The following HIP1R variants were observed in gnomAD, a reference collection of about 807,000 sequenced individuals.
HIP1R encodes the protein huntingtin interacting protein 1 related.
Under a neutral mutation model 144.2 loss-of-function variants are expected in HIP1R, and 135 were observed. The ratio of observed to expected loss-of-function variants is 0.94; its 90% CI spans 0.81 to 1.08. The LOEUF (loss-of-function observed/expected upper bound fraction) is 1.08. HIP1R is among the 50% of genes least tolerant of loss of function. The pLI is 0.00. For missense variants in HIP1R, 1,462 were observed against 1,432.8 expected (o/e 1.02, Z -0.33); for synonymous variants, 698 against 612.8 (o/e 1.14, Z -2.05).
At chr12:122,846,478 G>C (rs528316134) in intron 1 of HIP1R, among the ~76,000 whole-genome samples, 4 of 152,292 alleles carry the variant, frequency 2.6e-5, no homozygotes, top group African/African-American at 9.6e-5. Flanking sequence ...CTGCCTCTGG[G>C]GGCATGACAC....
At chr12:122,849,980 G>A (rs2033326423) in intron 5 of HIP1R, 25 bp downstream of exon 5, 2 of 1,548,488 alleles carry the variant, frequency 1.3e-6, no homozygotes, top group Non-Finnish European at 8.9e-7. Flanking sequence ...GGAGTCATGG[G>A]GCTGAGGGAC....
intron 23 of HIP1R, 39 bp from the exon 24 acceptor site, chr12:122,859,733 C>G (rs1267935609): frequency 6.2e-7 from 1 of 1,605,622 alleles, no homozygotes; most frequent in Non-Finnish European, 8.5e-7. Flanking sequence ...CCACGGTCCC[C>G]TCCTCCCAGC....
chr12:122,859,208 G>A lies in HIP1R; in HGVS notation c.2295+11G>A. The A allele has an allele frequency of 6.4e-7, 1 of 1,567,114 alleles. No homozygotes were observed. The highest frequency in any genetic ancestry group is 8.6e-7 in the Non-Finnish European group (1 of 1,156,272). Reference sequence around the variant, plus strand: ...CTTCAGCTGGGCCAGGTGAGGCACAGCTGAGTGTGGGTTTGGGAGGCTTGG... The same window carrying A: ...CTTCAGCTGGGCCAGGTGAGGCACAACTGAGTGTGGGTTTGGGAGGCTTGG... On this transcript the variant is annotated intron_variant, in intron 22 of 31. Coordinates refer to ENST00000253083, the MANE Select transcript of HIP1R (RefSeq NM_003959.3).
rs745714905 is a variant in HIP1R at position 122,855,258 on chromosome 12, C to T, written c.853-7C>T. The T allele has an allele frequency of 6.2e-7, 1 of 1,612,692 alleles. No individual in the cohort carries two copies. Among genetic ancestry groups the T allele is most frequent in the Non-Finnish European group, 8.5e-7 (1 of 1,179,850 alleles). On this transcript the variant is annotated splice_polypyrimidine_tract_variant and splice_region_variant and intron_variant, in intron 10 of 31. Transcript: ENST00000253083. ...AGCTGAGCAGGTCCCACCTGCCGCC[C>T]CTGCAGGGACCCCCTAACTTCCTGC...
At chr12:122,834,777 T>C, upstream of HIP1R, 2 of 398,592 alleles carry the variant, frequency 5.0e-6, no homozygotes, top group South Asian at 2.0e-5. Flanking sequence ...AGGTGTCCGG[T>C]TGCGGAGCCG....
Position 122,861,782 on chromosome 12 carries a change from G to C in HIP1R, c.*29G>C. On this transcript the variant is annotated 3_prime_UTR_variant, in exon 32 of 32. Transcript: ENST00000253083. ...CCCCAGGGGTCCAGCAGGGTGGCTGGTGACAGGCCTGGGCCTCTGCAACTG... is the reference window on the plus strand; with the variant it reads ...CCCCAGGGGTCCAGCAGGGTGGCTGCTGACAGGCCTGGGCCTCTGCAACTG... 1.2e-6 allele frequency: 2 copies of C among 1,611,190 alleles called. No homozygotes were observed. The highest frequency in any genetic ancestry group is 3.3e-4 in the Middle Eastern group (2 of 6,060).
chr12:122,860,364 C>T, intron 26 of HIP1R, 59 bp from the exon 27 acceptor site: 2 of 1,594,284 alleles, frequency 1.3e-6, no homozygotes, highest in Non-Finnish European at 1.7e-6. Flanking sequence ...TTGAGGGCCA[C>T]TTTCCACCTT....
At chr12:122,848,901 G>C (rs1319098052) in intron 4 of HIP1R, 49 bp downstream of exon 4, 1 of 1,588,286 alleles carries the variant, frequency 6.3e-7, no homozygotes, top group Admixed American at 1.7e-5. Context: ...GCTTTCCTGA[G>C]CGTGTGGGGC....
intron 4 of HIP1R, 76 bp downstream of exon 4, chr12:122,848,928 C>A: frequency 6.7e-7 from 1 of 1,482,632 alleles, no homozygotes; most frequent in South Asian, 1.1e-5. Context: ...AAGGGTGGCT[C>A]CCTGTGGGCA....
rs762305144 is a variant in HIP1R, at chr12:122,856,328, C to A, written c.1385C>A (p.Ala462Glu). Reference sequence around the variant, plus strand: ...CACAGTGAGCTCGTCCATGTGCACGCGGAGCTGCTCAGAAAGGTAGGTGCA... The same window carrying A: ...CACAGTGAGCTCGTCCATGTGCACGAGGAGCTGCTCAGAAAGGTAGGTGCA... ...EKHSELVHVH[A>E]ELLRKNADTA... Residue 462 changes from alanine (A) to glutamate (E), a missense_variant, in exon 15 of 32, where the codon GCG becomes GAG. Around this residue, in one of 2 missense-constraint regions of HIP1R, gnomAD observed 1,112 missense variants for 1,011.7 expected, o/e 1.10. Coordinates refer to ENST00000253083, the MANE Select transcript of HIP1R (RefSeq NM_003959.3). 3 of 1,613,726 alleles carry A rather than the reference C, an allele frequency of 1.9e-6. No individual in the cohort carries two copies. Among genetic ancestry groups the A allele is most frequent in the African/African-American group, 1.3e-5 (1 of 74,940 alleles).
chr12:122,858,240 A>G lies in HIP1R; in HGVS notation c.1954A>G (p.Ser652Gly). ...CGACCCCCTGCACCTGCGCTGTACCAGCTCCCCAGGTAGACAGTGGGGCCA... is the reference window on the plus strand; with the variant it reads ...CGACCCCCTGCACCTGCGCTGTACCGGCTCCCCAGGTAGACAGTGGGGCCA... ...LDDPLHLRCT[S>G]SPDYLVSRAQ... Residue 652 changes from serine (S) to glycine (G), a missense_variant, in exon 19 of 32, where the codon AGC becomes GGC. By Grantham distance (56) the Ser-to-Gly change is moderately conservative. This residue lies in a region of HIP1R where 1,112 missense variants were observed against 1,011.7 expected (regional missense o/e 1.10). Transcript: ENST00000253083. 6.3e-7 allele frequency: 1 copy of G among 1,592,576 alleles called. No individual in the cohort carries two copies. Among genetic ancestry groups the G allele is most frequent in the Non-Finnish European group, 8.6e-7 (1 of 1,165,892 alleles).
chr12:122,856,808 C>T (rs931616947), intron 17 of HIP1R, 82 bp downstream of exon 17: 188 of 1,260,290 alleles, frequency 1.5e-4, no homozygotes, highest in Non-Finnish European at 2.0e-4. Flanking sequence ...CGTGAACAGG[C>T]CCCACCTGGG....
chr12:122,860,063 A>G lies in HIP1R; in HGVS notation c.2482A>G (p.Thr828Ala), dbSNP rs749209250. Residue 828 changes from threonine to alanine, a missense_variant, in exon 25 of 32, where the codon ACA (threonine) becomes GCA (alanine). Coordinates refer to ENST00000253083, the MANE Select transcript of HIP1R (RefSeq NM_003959.3). Reference sequence around the variant, plus strand: ...CTCCCCCAGGATCCTCAACTCCTGCACAGACCTGATGAAGGTGAGGGGCTG... The same window carrying G: ...CTCCCCCAGGATCCTCAACTCCTGCGCAGACCTGATGAAGGTGAGGGGCTG... ...EVNERILNSC[T>A]DLMKAIRLLV... is the part of the protein sequence containing the mutation. 1.1e-5 allele frequency: 18 copies of G among 1,573,490 alleles called. No individual in the cohort carries two copies. The highest frequency in any genetic ancestry group is 5.4e-5 in the Admixed American group (3 of 55,474).
In HIP1R at chr12:122,835,558, G is replaced by A. The variant is rs999953800; in HGVS notation, c.8G>A (p.Ser3Asn). Residue 3 changes from serine (S) to asparagine (N), a missense_variant, in exon 1 of 32, where the codon AGC (serine) becomes AAC (asparagine). Physicochemically the swap from Ser to Asn is conservative, Grantham distance 46 (BLOSUM62 1). Transcript: ENST00000253083. MNSIKNVPARVLS... is the reference protein window; with the variant it reads MNNIKNVPARVLS... ...GCGGGCGGCGGCGGCAGGATGAACA[G>A]CATCAAGAACGTGCCGGCGCGGGTG... 13 of 1,348,620 alleles carry A rather than the reference G, an allele frequency of 9.6e-6. No individual in the cohort carries two copies. Among genetic ancestry groups the A allele is most frequent in the African/African-American group, 1.5e-5 (1 of 65,490 alleles). The allele number at this position is 1,348,620 out of a possible 1,614,324, so 83.5% of individuals were successfully genotyped here. A position where few individuals can be genotyped will look rare whatever the true frequency, so the allele number is the denominator to read the frequency against.
intron 18 of HIP1R, 163 bp downstream of exon 18, chr12:122,857,378 G>T: frequency 2.9e-6 from 2 of 698,612 alleles, no homozygotes. Flanking sequence ...CGTTGTCAAG[G>T]GTCACCACAT....
chr12:122,857,708 G>A, intron 18 of HIP1R: 1 of 269,248 alleles, frequency 3.7e-6, no homozygotes, highest in Non-Finnish European at 7.1e-6. Context: ...AGCAACGCAT[G>A]AATGTTCCAG....
chr12:122,857,778 G>T, intron 18 of HIP1R: 1 of 325,300 alleles, frequency 3.1e-6, no homozygotes, highest in Non-Finnish European at 5.6e-6. Flanking sequence ...CCATCCTAGT[G>T]GGTGTGGAGT....
Position 122,856,089 on chromosome 12 carries a change from G to A in HIP1R, c.1238G>A (p.Arg413His), listed in dbSNP as rs144448351. ...GCCCTGGTGGATAATGAGCAGCTCC[G>A]CCACGAGCTGGCCCAGCTGAGGGCT... ...QKALVDNEQLRHELAQLRAAQ... is the reference protein window; with the variant it reads ...QKALVDNEQLHHELAQLRAAQ... Residue 413 changes from arginine to histidine, a missense_variant, in exon 14 of 32, where the codon CGC becomes CAC. Physicochemically the swap from Arg to His is conservative, Grantham distance 29. Around this residue, in one of 2 missense-constraint regions of HIP1R, gnomAD observed 1,112 missense variants for 1,011.7 expected, o/e 1.10. Transcript: ENST00000253083. 68 of 1,584,940 alleles carry A rather than the reference G, an allele frequency of 4.3e-5. No individual in the cohort carries two copies. Among genetic ancestry groups the A allele is most frequent in the Middle Eastern group, 1.7e-4 (1 of 6,004 alleles).
intron 23 of HIP1R, 80 bp from the exon 24 acceptor site, chr12:122,859,692 A>G (rs1253656487): frequency 2.6e-6 from 4 of 1,514,422 alleles, no homozygotes; most frequent in Non-Finnish European, 3.6e-6. Context: ...CAGAGCTGAG[A>G]GGGCAGGAGG....
Sources: allele counts gnomAD v4.1 joint callset (sites outside exome capture counted in the v4.1 genomes callset), GRCh38; gene constraint gnomAD v4.1.1; regional missense constraint gnomAD v4.1.1; transcripts MANE v1.5; gene names NCBI Gene and HGNC (gene_info 2026-07-23, HGNC 2026-07-21).